Variants in MEIS2 observed in about 807,000 individuals in gnomAD.
MEIS2 encodes homeobox protein Meis2.
MEIS2 carries 9 observed loss-of-function variants against 58.6 expected under a neutral mutation model. The ratio of observed to expected loss-of-function variants is 0.15; its 90% CI spans 0.09 to 0.27. The LOEUF (loss-of-function observed/expected upper bound fraction) is 0.27. MEIS2 is among the 10% of genes least tolerant of loss of function. The probability of loss-of-function intolerance (pLI) is 1.00; values close to 1 mark genes in which losing one functional copy is unlikely to be tolerated. For synonymous variants in MEIS2, 221 were observed against 228.4 expected (o/e 0.97, Z 0.29); for missense variants, 427 against 635.0 (o/e 0.67, Z 3.52).
intron 7 of MEIS2, among the ~76,000 whole-genome samples, chr15:37,041,642 T>C (rs2062427742): frequency 6.6e-6 from 1 of 152,094 alleles, no homozygotes; most frequent in Admixed American, 6.5e-5. Context: ...CAAATATCCA[T>C]ATCCATAGTT....
rs547348985 is a variant in MEIS2 at position 37,018,458 on chromosome 15, T to C, written c.900+18356A>G. Among the ~76,000 whole-genome samples the C allele has an allele frequency of 1.6e-4, 24 of 152,352 alleles. No individual in the cohort carries two copies. In the South Asian group the frequency reaches 5.0e-3, roughly 32 times the overall value. On this transcript the variant is annotated intron_variant, in intron 8 of 11. Coordinates refer to ENST00000561208, the MANE Select transcript of MEIS2 (RefSeq NM_170675.5). ...TTATGCAACTTCAATCTATCAGGCT[T>C]ATAATATACAATTTTTAAAGTAGTG...
chr15:36,982,204 C>T (rs1364248547), intron 8 of MEIS2, among the ~76,000 whole-genome samples: 1 of 152,116 alleles, frequency 6.6e-6, no homozygotes, highest in African/African-American at 2.4e-5. Context: ...CTGATACATA[C>T]TCTCTTAGTG....
At chr15:37,027,510 T>C (rs2061746667) in intron 8 of MEIS2, among the ~76,000 whole-genome samples, 1 of 152,216 alleles carries the variant, frequency 6.6e-6, no homozygotes, top group Non-Finnish European at 1.5e-5. Flanking sequence ...CTAAATAGCA[T>C]TTAATGGCAC....
intron 8 of MEIS2, among the ~76,000 whole-genome samples, chr15:36,961,482 A>G (rs1383419894): frequency 6.6e-6 from 1 of 152,168 alleles, no homozygotes; most frequent in Non-Finnish European, 1.5e-5. Context: ...ATGGAATGTA[A>G]TGCTGAGTAA....
At chr15:36,925,973 T>A (rs2057730576) in intron 9 of MEIS2, among the ~76,000 whole-genome samples, 1 of 152,224 alleles carries the variant, frequency 6.6e-6, no homozygotes, top group Non-Finnish European at 1.5e-5. Flanking sequence ...GGTGCCAAGA[T>A]ACATTAAGCT....
At chr15:37,099,411 G>A (rs1472203055) in intron 1 of MEIS2, 44 bp downstream of exon 1, 2 of 1,613,888 alleles carry the variant, frequency 1.2e-6, no homozygotes, top group Non-Finnish European at 1.7e-6. Context: ...GCCCCTCTTA[G>A]GAGAGGATTT....
At chr15:37,070,762 C>T (rs1319906624) in intron 7 of MEIS2, among the ~76,000 whole-genome samples, 1 of 152,006 alleles carries the variant, frequency 6.6e-6, no homozygotes, top group Non-Finnish European at 1.5e-5. Context: ...TAAAAATGTG[C>T]CCTTGTGCCC....
intron 7 of MEIS2, among the ~76,000 whole-genome samples, chr15:37,076,239 G>A (rs778499862): frequency 6.6e-6 from 1 of 151,956 alleles, no homozygotes; most frequent in Non-Finnish European, 1.5e-5. Context: ...AACTCTCTGA[G>A]GGTAGAAATC....
chr15:37,037,003 G>T lies in MEIS2; in HGVS notation c.755-44C>A, dbSNP rs187713370. 222 of 1,560,524 alleles carry T rather than the reference G, an allele frequency of 1.4e-4. 2 individuals are homozygous for T. In the African/African-American group the frequency reaches 2.7e-3, roughly 19 times the overall value. On this transcript the variant is annotated intron_variant, in intron 7 of 11. Coordinates refer to ENST00000561208, the MANE Select transcript of MEIS2 (RefSeq NM_170675.5). ...AATACATTAGAGAAAACATCGCAAG[G>T]TGCCAACAACAAGTGCAGCTAATGA...
chr15:37,088,275 T>C (rs959485952), intron 6 of MEIS2, among the ~76,000 whole-genome samples: 4 of 152,168 alleles, frequency 2.6e-5, no homozygotes, highest in African/African-American at 4.8e-5. Flanking sequence ...TATGTGCTCA[T>C]AGGTAGAGAG....
At chr15:37,067,272 T>A (rs1274296166) in intron 7 of MEIS2, among the ~76,000 whole-genome samples, 1 of 152,028 alleles carries the variant, frequency 6.6e-6, no homozygotes, top group Non-Finnish European at 1.5e-5. Context: ...GTATTTTTTG[T>A]AGAGACAGGG....
At position 37,083,881 on chromosome 15, in the gene MEIS2, G is replaced by A; in HGVS notation, c.644C>T (p.Pro215Leu). 6.2e-7 allele frequency: 1 copy of A among 1,613,660 alleles called. No homozygotes were observed. Among genetic ancestry groups the A allele is most frequent in the African/African-American group, 1.3e-5 (1 of 74,990 alleles). The change falls in exon 7 of 12, where the codon CCT becomes CTT. Residue 215 changes from proline to leucine, a missense_variant. By Grantham distance (98) the Pro-to-Leu change is moderately conservative. Around this residue, in one of 6 missense-constraint regions of MEIS2, gnomAD observed 138 missense variants for 263.0 expected, o/e 0.52. Transcript: ENST00000561208. ...ATCATCGTGGTCTCGCCAAGAAGAA[G>A]GGTTCTGATGTCAGGATACCAAGGA... ...GSSTNLADHN[P>L]SSWRDHDDAT...
intron 8 of MEIS2, among the ~76,000 whole-genome samples, chr15:36,968,153 C>G (rs756098780): frequency 2.6e-5 from 4 of 152,134 alleles, no homozygotes; most frequent in Non-Finnish European, 4.4e-5. Flanking sequence ...TGCTATTTGT[C>G]GAAGCAGCGT....
At chr15:36,965,012 ATAAAGG>A (rs958637709) in intron 8 of MEIS2, among the ~76,000 whole-genome samples, 9 of 152,198 alleles carry the variant, frequency 5.9e-5, no homozygotes, top group African/African-American at 2.2e-4. Flanking sequence ...ATCTCACTTG[ATAAAGG>A]TAAAGAACCG....
chr15:36,943,104 A>C (rs1386092612), intron 9 of MEIS2, among the ~76,000 whole-genome samples: 1 of 152,166 alleles, frequency 6.6e-6, no homozygotes, highest in African/African-American at 2.4e-5. Flanking sequence ...TTACTGAATC[A>C]GTTGCTATGG....
At chr15:37,034,526 TACA>T (rs777351116) in intron 8 of MEIS2, among the ~76,000 whole-genome samples, 242 of 152,206 alleles carry the variant, frequency 1.6e-3, no homozygotes, top group Non-Finnish European at 2.8e-3. Flanking sequence ...ACAGCAGAGG[TACA>T]ACAAGTGCCC....
In MEIS2 at chr15:37,084,036, T is replaced by C. The variant is rs79378812; in HGVS notation, c.640-151A>G. 587 of 619,050 alleles carry C rather than the reference T, an allele frequency of 9.5e-4. 5 individuals are homozygous for C. In the African/African-American group the frequency reaches 0.01, roughly 11 times the overall value. 38.3% of individuals were successfully genotyped at this position (619,050 alleles called of 1,614,324 possible). ...ATACGCATGCCATGTTATGGTGTGC[T>C]GTCTTTTTAGTAATAGGTATATAAA... On this transcript the variant is annotated intron_variant, in intron 6 of 11. Coordinates refer to ENST00000561208, the MANE Select transcript of MEIS2 (RefSeq NM_170675.5).
chr15:37,099,818 GAAAAGA>G lies in MEIS2; in HGVS notation c.-358_-353del. On this transcript the variant is annotated 5_prime_UTR_variant, in exon 1 of 12. Transcript: ENST00000561208. The stretch of plus-strand genomic sequence containing the variant: ...CCCCTCAGTTGGAAAAAAAAAGAAA[GAAAAGA>G]AAAAGAAGAAAAAGAAGAAAAAAAT... The G allele has an allele frequency of 4.5e-6, 1 of 221,902 alleles. No individual in the cohort carries two copies. Among genetic ancestry groups the G allele is most frequent in the East Asian group, 7.7e-5 (1 of 12,934 alleles). The allele number at this position is 221,902 out of a possible 1,614,324, so 13.7% of individuals were successfully genotyped here.
At chr15:36,920,292 G>A (rs960281268) in intron 9 of MEIS2, among the ~76,000 whole-genome samples, 1 of 152,152 alleles carries the variant, frequency 6.6e-6, no homozygotes, top group African/African-American at 2.4e-5. Flanking sequence ...TGGGATTACA[G>A]GCATGCGCCA....
Sources: allele counts gnomAD v4.1 joint callset (sites outside exome capture counted in the v4.1 genomes callset), GRCh38; gene constraint gnomAD v4.1.1; regional missense constraint gnomAD v4.1.1; transcripts MANE v1.5; gene names NCBI Gene and HGNC (gene_info 2026-07-23, HGNC 2026-07-21).